Variants in RSPH6A observed in about 807,000 individuals in gnomAD.
RSPH6A encodes radial spoke head protein 6 homolog A.
In RSPH6A, 49 loss-of-function variants were observed where a neutral mutation model predicts 66.1. The ratio of observed to expected loss-of-function variants is 0.74; its 90% CI spans 0.59 to 0.94. The LOEUF (loss-of-function observed/expected upper bound fraction) is 0.94. Among genes scored for constraint, RSPH6A ranks in the 40% least tolerant of loss-of-function variants. The pLI, the probability that RSPH6A is intolerant of heterozygous loss-of-function variation, is 0.00. For synonymous variants in RSPH6A, 419 were observed against 402.4 expected, an observed-to-expected ratio of 1.04 and a Z score of -0.49; for missense variants, 977 against 948.3, an observed-to-expected ratio of 1.03 and a Z score of -0.40.
chr19:45,801,815 A>ACACACACATG (rs1970477900), intron 4 of RSPH6A, among the ~76,000 whole-genome samples: 1 of 151,874 alleles, frequency 6.6e-6, no homozygotes, highest in African/African-American at 2.4e-5. Flanking sequence ...ACACACACAT[A>ACACACACATG]CACACACATG....
intron 3 of RSPH6A, among the ~76,000 whole-genome samples, chr19:45,803,576 T>A (rs1190517099): frequency 6.6e-6 from 1 of 151,318 alleles, no homozygotes; most frequent in African/African-American, 2.4e-5. Flanking sequence ...CTTGGGAGGC[T>A]GAGGTGGGAG....
chr19:45,815,073 G>T lies in RSPH6A; in HGVS notation c.104C>A (p.Ala35Asp), dbSNP rs749210747. The T allele has an allele frequency of 2.7e-5, 43 of 1,613,328 alleles. No homozygotes were observed. The Admixed American group carries it at 7.2e-4, about 27-fold the overall frequency. The change falls in exon 1 of 6, where the codon GCC (alanine) becomes GAC (aspartate). Residue 35 changes from alanine (A) to aspartate (D), a missense_variant. Coordinates refer to ENST00000221538, the MANE Select transcript of RSPH6A (RefSeq NM_030785.4). Reference sequence around the variant, plus strand: ...CCTCTCCTCGGGGTCCGCTGCCAGGGCCTGAGCTTGGTCCCGACTGTGCCG... The same window carrying T: ...CCTCTCCTCGGGGTCCGCTGCCAGGTCCTGAGCTTGGTCCCGACTGTGCCG... ...QRRHSRDQAQ[A>D]LAADPEERQQ...
chr19:45,810,849 C>T lies in RSPH6A; in HGVS notation c.651-9G>A, dbSNP rs767857809. 5.6e-6 allele frequency: 9 copies of T among 1,600,114 alleles called. No homozygotes were observed. Among genetic ancestry groups the T allele is most frequent in the East Asian group, 2.2e-5 (1 of 44,596 alleles). On this transcript the variant is annotated splice_polypyrimidine_tract_variant and intron_variant, in intron 1 of 5. Coordinates refer to ENST00000221538, the MANE Select transcript of RSPH6A (RefSeq NM_030785.4). Reference sequence around the variant, plus strand: ...TCACCAGGTGCTCGTACCTGCCTCCCGCAGGAGGAGTGGGAGGAGAGGGAC... The same window carrying T: ...TCACCAGGTGCTCGTACCTGCCTCCTGCAGGAGGAGTGGGAGGAGAGGGAC...
At position 45,802,272 on chromosome 19, in the gene RSPH6A, TG is replaced by T. The variant is rs1568598270; in HGVS notation, c.1654-9del. On this transcript the variant is annotated splice_polypyrimidine_tract_variant and intron_variant, in intron 3 of 5. Coordinates refer to ENST00000221538, the MANE Select transcript of RSPH6A (RefSeq NM_030785.4). Reference sequence around the variant, plus strand: ...CACCCAAGTGCAGCGGCCCTGGGGGTGGGGGGAAGCTCAGGTGATGGCCCCA... The same window carrying T: ...CACCCAAGTGCAGCGGCCCTGGGGGTGGGGGAAGCTCAGGTGATGGCCCCA... 1.3e-5 allele frequency: 18 copies of T among 1,366,644 alleles called. No homozygotes were observed. Among genetic ancestry groups the T allele is most frequent in the South Asian group, 7.7e-5 (4 of 51,718 alleles). The allele number at this position is 1,366,644 out of a possible 1,614,324, so 84.7% of individuals were successfully genotyped here. A position where few individuals can be genotyped will look rare whatever the true frequency, so the allele number is the denominator to read the frequency against.
At position 45,804,576 on chromosome 19, in the gene RSPH6A, G is replaced by T; in HGVS notation, c.1329C>A (p.His443Gln). Residue 443 changes from histidine to glutamine, a missense_variant, in exon 3 of 6, where the codon CAC (histidine) becomes CAA (glutamine). Coordinates refer to ENST00000221538, the MANE Select transcript of RSPH6A (RefSeq NM_030785.4). This position sits in a 1 kb window ranked among gnomAD's most constrained non-coding sequence, Gnocchi z 5.8. ...EPGLPWTRLP[H>Q]VTPAQIVNAR... ...CGTTCACGATCTGGGCTGGAGTGAC[G>T]TGGGGCAGCCGCGTCCATGGCAGGC... 6.2e-7 allele frequency: 1 copy of T among 1,614,206 alleles called. No homozygotes were observed.
chr19:45,803,861 C>T (rs1215873170), intron 3 of RSPH6A, among the ~76,000 whole-genome samples: 2 of 150,938 alleles, frequency 1.3e-5, no homozygotes, highest in Admixed American at 6.6e-5. Flanking sequence ...GGTGTGGCAG[C>T]GTGTGCCTGT....
At chr19:45,798,375 G>T (rs1970430661) in intron 5 of RSPH6A, among the ~76,000 whole-genome samples, 1 of 151,398 alleles carries the variant, frequency 6.6e-6, no homozygotes, top group Non-Finnish European at 1.5e-5. Flanking sequence ...AAAGAAAAAA[G>T]AAAAAATTTA....
intron 5 of RSPH6A, among the ~76,000 whole-genome samples, chr19:45,796,356 G>A (rs1970409052): frequency 6.6e-6 from 1 of 151,440 alleles, no homozygotes; most frequent in Admixed American, 6.6e-5. Context: ...GTTTCACCAT[G>A]TTGGCCAGTG....
rs778593684 is a variant in RSPH6A at position 45,802,267 on chromosome 19, G to A, written c.1654-3C>T. On this transcript the variant is annotated splice_region_variant and splice_polypyrimidine_tract_variant and intron_variant, in intron 3 of 5. Coordinates refer to ENST00000221538, the MANE Select transcript of RSPH6A (RefSeq NM_030785.4). ...GGGTTCACCCAAGTGCAGCGGCCCT[G>A]GGGGTGGGGGGAAGCTCAGGTGATG... 8.0e-6 allele frequency: 11 copies of A among 1,379,848 alleles called. No individual in the cohort carries two copies. In the South Asian group the frequency reaches 1.1e-4, roughly 14 times the overall value. The allele number at this position is 1,379,848 out of a possible 1,614,324, so 85.5% of individuals were successfully genotyped here.
At position 45,814,574 on chromosome 19, in the gene RSPH6A, G is replaced by C. The variant is rs371400604; in HGVS notation, c.603C>G (p.Asn201Lys). 46 of 1,542,428 alleles carry C rather than the reference G, an allele frequency of 3.0e-5. No homozygotes were observed. Among genetic ancestry groups the C allele is most frequent in the Non-Finnish European group, 3.9e-5 (45 of 1,145,922 alleles). The change falls in exon 1 of 6, where the codon AAC becomes AAG. Residue 201 changes from asparagine to lysine, a missense_variant. By Grantham distance (94) the Asn-to-Lys change is moderately conservative. Transcript: ENST00000221538. ...EPEPLELAVQ[N>K]AKAYLLQTSI... is the part of the protein sequence containing the mutation. ...TGGTCTGCAGCAGGTAGGCCTTGGC[G>C]TTCTGCACGGCCAGCTCCAGAGGCT...
At position 45,804,557 on chromosome 19, in the gene RSPH6A, C is replaced by T. The variant is rs764831392; in HGVS notation, c.1348G>A (p.Val450Met). ...AACTTCTTGATCTTTCGGGCGTTCACGATCTGGGCTGGAGTGACGTGGGGC... is the reference window on the plus strand; with the variant it reads ...AACTTCTTGATCTTTCGGGCGTTCATGATCTGGGCTGGAGTGACGTGGGGC... Reference protein sequence around the residue: ...RLPHVTPAQIVNARKIKKFFT... With the variant: ...RLPHVTPAQIMNARKIKKFFT... Residue 450 changes from valine (V) to methionine (M), a missense_variant, in exon 3 of 6, where the codon GTG becomes ATG. Coordinates refer to ENST00000221538, the MANE Select transcript of RSPH6A (RefSeq NM_030785.4). The surrounding 1 kb of genome is among the most constrained non-coding windows in gnomAD (Gnocchi z 5.8). 3.1e-6 allele frequency: 5 copies of T among 1,614,046 alleles called. No individual in the cohort carries two copies. The highest frequency in any genetic ancestry group is 2.7e-5 in the African/African-American group (2 of 74,926).
rs1435252925 is a variant in RSPH6A, at chr19:45,810,856, G to C, written c.651-16C>G. Reference sequence around the variant, plus strand: ...GTGCTCGTACCTGCCTCCCGCAGGAGGAGTGGGAGGAGAGGGACCTCACTC... The same window carrying C: ...GTGCTCGTACCTGCCTCCCGCAGGACGAGTGGGAGGAGAGGGACCTCACTC... On this transcript the variant is annotated splice_polypyrimidine_tract_variant and intron_variant, in intron 1 of 5. Coordinates refer to ENST00000221538, the MANE Select transcript of RSPH6A (RefSeq NM_030785.4). The C allele has an allele frequency of 1.3e-6, 2 of 1,589,838 alleles. No individual in the cohort carries two copies. The highest frequency in any genetic ancestry group is 1.7e-6 in the Non-Finnish European group (2 of 1,163,124).
chr19:45,800,905 C>G (rs952935151), intron 4 of RSPH6A, among the ~76,000 whole-genome samples: 1 of 151,876 alleles, frequency 6.6e-6, no homozygotes, highest in African/African-American at 2.4e-5. Context: ...TCAAACGACT[C>G]TCCTTCCTCA....
rs529235770 is a variant in RSPH6A at position 45,804,058 on chromosome 19, A to G, written c.1653+194T>C. The stretch of plus-strand genomic sequence containing the variant: ...AAAAGAAGAAAGAAAGAAAAGAAAA[A>G]AAAATGCCTCTGTCCCCAAAGGTTT... On this transcript the variant is annotated intron_variant, in intron 3 of 5. Coordinates refer to ENST00000221538, the MANE Select transcript of RSPH6A (RefSeq NM_030785.4). The surrounding 1 kb of genome is among the most constrained non-coding windows in gnomAD (Gnocchi z 5.8). Among the ~76,000 whole-genome samples the G allele has an allele frequency of 1.3e-5, 2 of 152,244 alleles. No homozygotes were observed. Among genetic ancestry groups the G allele is most frequent in the Admixed American group, 6.5e-5 (1 of 15,282 alleles).
chr19:45,802,319 C>T, intron 3 of RSPH6A, 55 bp from the exon 4 acceptor site: 1 of 1,299,800 alleles, frequency 7.7e-7, no homozygotes, highest in Non-Finnish European at 9.9e-7. Context: ...CCCAGCCTGC[C>T]TCCTGTGGGG....
chr19:45,801,829 A>C (rs1970478086), intron 4 of RSPH6A, among the ~76,000 whole-genome samples: 1 of 151,970 alleles, frequency 6.6e-6, no homozygotes, highest in African/African-American at 2.4e-5. Flanking sequence ...ACACATGCAC[A>C]CACACACCCA....
At chr19:45,800,084 A>C (rs1568597386) in intron 5 of RSPH6A, among the ~76,000 whole-genome samples, 1 of 152,072 alleles carries the variant, frequency 6.6e-6, no homozygotes. Context: ...AAACAAGAAG[A>C]ACTGTCCAGG....
At chr19:45,811,464 G>T (rs1006927473) in intron 1 of RSPH6A, among the ~76,000 whole-genome samples, 12 of 151,992 alleles carry the variant, frequency 7.9e-5, no homozygotes, top group African/African-American at 2.9e-4. Flanking sequence ...TTCAGAGGAG[G>T]TCTCGCTGTG....
intron 1 of RSPH6A, among the ~76,000 whole-genome samples, chr19:45,811,743 G>GTATTATTAT (rs59665443): frequency 1.1e-4 from 13 of 118,464 alleles, no homozygotes; most frequent in South Asian, 2.9e-4. Flanking sequence ...GCCAACATTT[G>GTATTATTAT]TATTATTATT....
Sources: allele counts gnomAD v4.1 joint callset (sites outside exome capture counted in the v4.1 genomes callset), GRCh38; gene constraint gnomAD v4.1.1; non-coding constraint Gnocchi (gnomAD v3.1); transcripts MANE v1.5; gene names NCBI Gene and HGNC (gene_info 2026-07-23, HGNC 2026-07-21).